Variants in PRRX2 observed in about 807,000 individuals in gnomAD.
The protein encoded by PRRX2 is paired mesoderm homeobox protein 2.
Under a neutral mutation model 18.0 loss-of-function variants are expected in PRRX2, and 11 were observed. That is an observed-to-expected ratio of 0.61 (90% CI 0.39 to 1.01). The LOEUF is 1.01. Among genes scored for constraint, PRRX2 ranks in the 50% least tolerant of loss-of-function variants. The pLI, the probability that PRRX2 is intolerant of heterozygous loss-of-function variation, is 0.01. For synonymous variants in PRRX2, 177 were observed against 154.8 expected (o/e 1.14, Z -1.06); for missense variants, 387 against 351.0 (o/e 1.10, Z -0.82).
At chr9:129,716,755 G>A (rs1832713287) in intron 1 of PRRX2, among the ~76,000 whole-genome samples, 1 of 151,960 alleles carries the variant, frequency 6.6e-6, no homozygotes. Context: ...GTGCCTGGCC[G>A]CTATGCTTTC....
At chr9:129,706,799 C>G (rs1194042922) in intron 1 of PRRX2, among the ~76,000 whole-genome samples, 1 of 152,148 alleles carries the variant, frequency 6.6e-6, no homozygotes, top group Admixed American at 6.5e-5. Context: ...GTACAACCAT[C>G]ATCACAATAA....
chr9:129,685,125 C>G (rs1478088030), intron 1 of PRRX2, among the ~76,000 whole-genome samples: 2 of 152,194 alleles, frequency 1.3e-5, no homozygotes, highest in Non-Finnish European at 2.9e-5. Context: ...GAGTGGTACT[C>G]AGGAAGCTGT....
chr9:129,666,901 C>G (rs1832033374), intron 1 of PRRX2, among the ~76,000 whole-genome samples: 1 of 152,204 alleles, frequency 6.6e-6, no homozygotes, highest in African/African-American at 2.4e-5. Context: ...TGTCCCCTAG[C>G]TCTGGGGATG....
At chr9:129,689,817 A>G (rs554574426) in intron 1 of PRRX2, among the ~76,000 whole-genome samples, 16 of 151,850 alleles carry the variant, frequency 1.1e-4, no homozygotes, top group African/African-American at 3.4e-4. Flanking sequence ...CAGTGGCACA[A>G]TCTTGGCTCA....
In PRRX2 at chr9:129,671,055, C is replaced by T. The variant is rs1832093564; in HGVS notation, c.259+4929C>T. 6.6e-6 allele frequency among the ~76,000 whole-genome samples: 1 copy of T among 152,180 alleles called. No individual in the cohort carries two copies. The highest frequency in any genetic ancestry group is 2.1e-4 in the South Asian group (1 of 4,834). ...CACCTGAACAGTGGGAGATGGCGTA[C>T]AAGGGTTGGGAGGCCCTCCCGACTG... On this transcript the variant is annotated intron_variant, in intron 1 of 3. Coordinates refer to ENST00000372469, the MANE Select transcript of PRRX2 (RefSeq NM_016307.4). The surrounding 1 kb of genome is among the most constrained non-coding windows in gnomAD (Gnocchi z 4.0).
In PRRX2 at chr9:129,713,539, C is replaced by T. The variant is rs879271026; in HGVS notation, c.260-5692C>T. Among the ~76,000 whole-genome samples, 64 of 152,256 alleles carry T rather than the reference C, an allele frequency of 4.2e-4. 1 individual carries two copies. Among genetic ancestry groups the T allele is most frequent in the Middle Eastern group, 3.4e-3 (1 of 294 alleles). ...CCCCCTACGCTGCTGAGCCTGGGAG[C>T]GAGGTAGAAGAGGGAGGAGGCCCCG... On this transcript the variant is annotated intron_variant, in intron 1 of 3. Coordinates refer to ENST00000372469, the MANE Select transcript of PRRX2 (RefSeq NM_016307.4).
rs148965827 is a variant in PRRX2 at position 129,716,542 on chromosome 9, C to T, written c.260-2689C>T. ...CGGTACCGGCTCATAGCAACCTCCA[C>T]CCCACAGGTTCAAGTGATTCTCCTG... On this transcript the variant is annotated intron_variant, in intron 1 of 3. Transcript: ENST00000372469. 4.5e-3 allele frequency among the ~76,000 whole-genome samples: 680 copies of T among 151,886 alleles called. 7 individuals carry two copies. Among genetic ancestry groups the T allele is most frequent in the African/African-American group, 0.016 (653 of 41,394 alleles).
chr9:129,674,686 C>T (rs2119054081), intron 1 of PRRX2, among the ~76,000 whole-genome samples: 1 of 152,290 alleles, frequency 6.6e-6, no homozygotes, highest in South Asian at 2.1e-4. Context: ...TCCTGTAACA[C>T]TGCTGCCCAA....
At chr9:129,681,903 C>T (rs530183290) in intron 1 of PRRX2, among the ~76,000 whole-genome samples, 8 of 152,178 alleles carry the variant, frequency 5.3e-5, no homozygotes, top group South Asian at 2.1e-4. Context: ...CTGGGGATCA[C>T]GGGCACATGT....
intron 1 of PRRX2, among the ~76,000 whole-genome samples, chr9:129,690,956 C>T (rs775498624): frequency 3.3e-5 from 5 of 152,004 alleles, no homozygotes; most frequent in Admixed American, 1.3e-4. Flanking sequence ...TGCTTGTGCC[C>T]GCTTGTCCTA....
chr9:129,690,698 G>A (rs980960537), intron 1 of PRRX2, among the ~76,000 whole-genome samples: 10 of 151,654 alleles, frequency 6.6e-5, no homozygotes, highest in Non-Finnish European at 1.2e-4. Flanking sequence ...AGTAGAGATG[G>A]GGTTTCACTA....
intron 1 of PRRX2, among the ~76,000 whole-genome samples, chr9:129,697,825 C>T (rs1397382771): frequency 1.3e-5 from 2 of 152,112 alleles, no homozygotes; most frequent in Non-Finnish European, 2.9e-5. Flanking sequence ...GGACGCTTCC[C>T]CGCCCCCCGA....
At chr9:129,698,154 G>T (rs1832449978) in intron 1 of PRRX2, among the ~76,000 whole-genome samples, 1 of 151,392 alleles carries the variant, frequency 6.6e-6, no homozygotes, top group Admixed American at 6.6e-5. Context: ...TTCTGGACCA[G>T]CCCCTTCAGC....
chr9:129,703,412 C>T (rs1832521691), intron 1 of PRRX2, among the ~76,000 whole-genome samples: 1 of 152,190 alleles, frequency 6.6e-6, no homozygotes, highest in African/African-American at 2.4e-5. Context: ...GGACCCTTAG[C>T]AGCAACTTCG....
chr9:129,666,057 G>C lies in PRRX2; in HGVS notation c.190G>C (p.Glu64Gln). ...RLAARPGARA[E>Q]AREGAAREPS... ...GGCGGCGCGCCCCGGGGCCAGGGCCGAGGCGCGGGAGGGCGCAGCACGGGA... is the reference window on the plus strand; with the variant it reads ...GGCGGCGCGCCCCGGGGCCAGGGCCCAGGCGCGGGAGGGCGCAGCACGGGA... The change falls in exon 1 of 4, where the codon GAG becomes CAG. Residue 64 changes from glutamate to glutamine, a missense_variant. Glu to Gln is a conservative substitution (Grantham distance 29, BLOSUM62 2). Transcript: ENST00000372469. 9.6e-7 allele frequency: 1 copy of C among 1,044,484 alleles called. No individual in the cohort carries two copies. The highest frequency in any genetic ancestry group is 1.1e-6 in the Non-Finnish European group (1 of 871,900). 64.7% of individuals were successfully genotyped at this position (1,044,484 alleles called of 1,614,324 possible). A position where few individuals can be genotyped will look rare whatever the true frequency, so the allele number is the denominator to read the frequency against.
At chr9:129,691,103 T>G (rs1832355315) in intron 1 of PRRX2, among the ~76,000 whole-genome samples, 1 of 149,726 alleles carries the variant, frequency 6.7e-6, no homozygotes, top group Non-Finnish European at 1.5e-5. Flanking sequence ...GGCGGGTGGA[T>G]CACTTGAGGT....
At position 129,719,212 on chromosome 9, in the gene PRRX2, G is replaced by GC. The variant is rs3214712; in HGVS notation, c.260-12dup. On this transcript the variant is annotated intron_variant, in intron 1 of 3. Coordinates refer to ENST00000372469, the MANE Select transcript of PRRX2 (RefSeq NM_016307.4). ...CACTGGCCGTCCTGCTGACCATCCC[G>GC]CCCCCCCAACCTCCGCAGGTGAGTG... 55,467 of 1,541,550 alleles carry GC rather than the reference G, an allele frequency of 0.036. 5,733 individuals are homozygous for GC. The highest frequency in any genetic ancestry group is 0.32 in the East Asian group (13,638 of 42,710).
chr9:129,704,532 C>G (rs1294808594), intron 1 of PRRX2, among the ~76,000 whole-genome samples: 1 of 152,158 alleles, frequency 6.6e-6, no homozygotes, highest in Admixed American at 6.5e-5. Context: ...CCTGCATCCT[C>G]CCAGGAAACC....
chr9:129,720,791 C>T lies in PRRX2; in HGVS notation c.626+17C>T, dbSNP rs767697433. On this transcript the variant is annotated intron_variant, in intron 3 of 3. Coordinates refer to ENST00000372469, the MANE Select transcript of PRRX2 (RefSeq NM_016307.4). ...CCCCTACAGGTGAGAGCGGGAACAC[C>T]TTTGGGCCAGGAAGGGGCAGCTCGA... The T allele has an allele frequency of 6.5e-7, 1 of 1,538,706 alleles. No individual in the cohort carries two copies. Among genetic ancestry groups the T allele is most frequent in the Non-Finnish European group, 8.8e-7 (1 of 1,140,644 alleles).
Sources: allele counts gnomAD v4.1 joint callset (sites outside exome capture counted in the v4.1 genomes callset), GRCh38; gene constraint gnomAD v4.1.1; non-coding constraint Gnocchi (gnomAD v3.1); transcripts MANE v1.5; gene names NCBI Gene and HGNC (gene_info 2026-07-23, HGNC 2026-07-21).